Variants in IDE observed in about 807,000 individuals in gnomAD.
IDE encodes the protein insulin-degrading enzyme.
A neutral mutation model predicts 133.2 loss-of-function variants in IDE; 58 were observed. That is an observed-to-expected ratio of 0.44 (90% CI 0.35 to 0.54). IDE has a LOEUF of 0.54. IDE is among the 20% of genes least tolerant of loss of function. The pLI, the probability that IDE is intolerant of heterozygous loss-of-function variation, is 0.00. For missense variants in IDE, 981 were observed against 1,234.0 expected (o/e 0.79, Z 3.07); for synonymous variants, 396 against 421.3 (o/e 0.94, Z 0.73).
chr10:92,534,017 C>T (rs1317470768), intron 3 of IDE, among the ~76,000 whole-genome samples: 3 of 142,594 alleles, frequency 2.1e-5, no homozygotes, highest in Non-Finnish European at 4.8e-5. Context: ...GTGCGAAACT[C>T]CGTCTGAAAA....
At position 92,504,843 on chromosome 10, in the gene IDE, G is replaced by A. The variant is rs747481660; in HGVS notation, c.1381C>T (p.Pro461Ser). 101 of 1,593,050 alleles carry A rather than the reference G, an allele frequency of 6.3e-5. No individual in the cohort carries two copies. The highest frequency in any genetic ancestry group is 1.2e-4 in the Admixed American group (7 of 56,694). ...TAEYLLEEFRPDLIEMVLDKL... is the reference protein window; with the variant it reads ...TAEYLLEEFRSDLIEMVLDKL... ...TCGAGAACCATCTCTATTAAGTCAG[G>A]TCTAAATTCTTCCAGTAAATATTCC... The change falls in exon 11 of 25, where the codon CCT becomes TCT. Residue 461 changes from proline to serine, a missense_variant. Around this residue, in one of 2 missense-constraint regions of IDE, gnomAD observed 660 missense variants for 894.7 expected, o/e 0.74. Coordinates refer to ENST00000265986, the MANE Select transcript of IDE (RefSeq NM_004969.4).
intron 12 of IDE, among the ~76,000 whole-genome samples, chr10:92,488,027 T>G (rs1847107543): frequency 6.6e-6 from 1 of 152,140 alleles, no homozygotes; most frequent in South Asian, 2.1e-4. Context: ...ACTCCTGGCC[T>G]CAACTGATCC....
At chr10:92,505,081 A>G (rs1848224554) in intron 10 of IDE, among the ~76,000 whole-genome samples, 184 bp from the exon 11 acceptor site, 1 of 152,190 alleles carries the variant, frequency 6.6e-6, no homozygotes. Flanking sequence ...ATTGTTAAGC[A>G]GTTTCATATT....
intron 1 of IDE, among the ~76,000 whole-genome samples, chr10:92,556,843 G>C (rs1468557177): frequency 6.6e-6 from 1 of 150,598 alleles, no homozygotes; most frequent in Non-Finnish European, 1.5e-5. Flanking sequence ...AGAATTGCTT[G>C]AACCTGGGAG....
In IDE at chr10:92,479,059, T is replaced by TA. The variant is rs1009038025; in HGVS notation, c.1884+217dup. Reference sequence around the variant, plus strand: ...ATATGACATTCTGATGAAAGACGTTTAAAAAAAAAGAAATCAAGGAAAATT... The same window carrying TA: ...ATATGACATTCTGATGAAAGACGTTTAAAAAAAAAAGAAATCAAGGAAAATT... On this transcript the variant is annotated intron_variant, in intron 15 of 24. Coordinates refer to ENST00000265986, the MANE Select transcript of IDE (RefSeq NM_004969.4). 2.7e-5 allele frequency among the ~76,000 whole-genome samples: 4 copies of TA among 150,792 alleles called. No individual in the cohort carries two copies. In the East Asian group the frequency reaches 5.8e-4, roughly 22 times the overall value.
chr10:92,566,142 A>G (rs1187038830), intron 1 of IDE, among the ~76,000 whole-genome samples: 2 of 150,994 alleles, frequency 1.3e-5, no homozygotes, highest in African/African-American at 4.9e-5. Context: ...GACTGCTTGA[A>G]CCGAGGAGTT....
At chr10:92,503,060 T>TA (rs11442945) in intron 11 of IDE, among the ~76,000 whole-genome samples, 20,820 of 152,168 alleles carry the variant, frequency 0.14, 1,854 homozygotes, top group African/African-American at 0.24. Flanking sequence ...TTTTGACCCT[T>TA]AATATATTTT....
At chr10:92,483,222 A>G in intron 14 of IDE, 33 bp downstream of exon 14, 1 of 1,100,354 alleles carries the variant, frequency 9.1e-7, no homozygotes, top group Non-Finnish European at 1.4e-6. Context: ...GTTGATTTTT[A>G]TAAGCTTTAT....
In IDE at chr10:92,527,992, C is replaced by T. The variant is rs559349882; in HGVS notation, c.661+3756G>A. Among the ~76,000 whole-genome samples the T allele has an allele frequency of 5.6e-4, 85 of 152,218 alleles. 1 individual carries two copies. The South Asian group carries it at 0.016, about 29-fold the overall frequency. On this transcript the variant is annotated intron_variant, in intron 4 of 24. Coordinates refer to ENST00000265986, the MANE Select transcript of IDE (RefSeq NM_004969.4). ...GGTCACGCCACTGTACTCCAAAGAA[C>T]GCAATTTTAGTGTGTTTGTCTTCTT...
chr10:92,488,932 T>TA (rs56377277), intron 12 of IDE, among the ~76,000 whole-genome samples: 27,063 of 78,572 alleles, frequency 0.34, 5,166 homozygotes, highest in African/African-American at 0.46. Flanking sequence ...TTTCATTATT[T>TA]AAAAAAAAAA....
intron 1 of IDE, among the ~76,000 whole-genome samples, chr10:92,547,513 T>C (rs1411901640): frequency 2.0e-5 from 3 of 152,200 alleles, no homozygotes; most frequent in Admixed American, 2.0e-4. Flanking sequence ...GGATCAGATG[T>C]ATTTCAGATT....
At chr10:92,527,993 G>A (rs1052813953) in intron 4 of IDE, among the ~76,000 whole-genome samples, 4 of 152,150 alleles carry the variant, frequency 2.6e-5, no homozygotes, top group Admixed American at 6.6e-5. Flanking sequence ...TCCAAAGAAC[G>A]CAATTTTAGT....
intron 17 of IDE, among the ~76,000 whole-genome samples, chr10:92,472,666 T>G (rs1394859243): frequency 1.3e-5 from 2 of 149,068 alleles, no homozygotes; most frequent in African/African-American, 5.0e-5. Flanking sequence ...TTTTTTGAGA[T>G]GGAATCTCTG....
At chr10:92,551,566 CAA>C (rs1232265058) in intron 1 of IDE, among the ~76,000 whole-genome samples, 26 of 66,628 alleles carry the variant, frequency 3.9e-4, no homozygotes, top group African/African-American at 1.0e-3. Flanking sequence ...GACTCCATCT[CAA>C]AAAAAAAAAA....
chr10:92,501,020 G>T (rs902253524), intron 11 of IDE, among the ~76,000 whole-genome samples: 3 of 143,474 alleles, frequency 2.1e-5, no homozygotes, highest in African/African-American at 7.8e-5. Flanking sequence ...CAGCCTGGGC[G>T]ACAGAGTGAG....
intron 22 of IDE, among the ~76,000 whole-genome samples, chr10:92,456,844 CAAAAAAAAAAAAAAAAAA>C (rs57422406): frequency 1.9e-5 from 1 of 52,162 alleles, no homozygotes; most frequent in South Asian, 1.2e-3. Flanking sequence ...GACTCTGTCT[CAAAAAAAAAAAAAAAAAA>C]AAAAAAAAAA....
At chr10:92,569,178 A>G (rs1843681506) in intron 1 of IDE, among the ~76,000 whole-genome samples, 1 of 152,252 alleles carries the variant, frequency 6.6e-6, no homozygotes. Flanking sequence ...GGAATTGGGA[A>G]TGAATAGGTC....
In IDE at chr10:92,516,387, G is replaced by A. The variant is rs138973293; in HGVS notation, c.662-1345C>T. On this transcript the variant is annotated intron_variant, in intron 4 of 24. Transcript: ENST00000265986. ...TGGGCACCTGTAGTCTCGGCTACTC[G>A]GGAGGCTGAGGGATGAGAATCACTT... 3.9e-5 allele frequency among the ~76,000 whole-genome samples: 6 copies of A among 152,048 alleles called. No homozygotes were observed. In the East Asian group the frequency reaches 5.8e-4, roughly 15 times the overall value.
chr10:92,550,325 A>G (rs1283184432), intron 1 of IDE, among the ~76,000 whole-genome samples: 1 of 152,188 alleles, frequency 6.6e-6, no homozygotes, highest in African/African-American at 2.4e-5. Context: ...AAAATTTCTA[A>G]ATGGGCAAAG....
Sources: allele counts gnomAD v4.1 joint callset (sites outside exome capture counted in the v4.1 genomes callset), GRCh38; gene constraint gnomAD v4.1.1; regional missense constraint gnomAD v4.1.1; transcripts MANE v1.5; gene names NCBI Gene and HGNC (gene_info 2026-07-23, HGNC 2026-07-21).